SMARCA2: variants seen among roughly 807,000 people sequenced by gnomAD.
SMARCA2 encodes SWI/SNF-related matrix-associated actin-dependent regulator of chromatin subfamily A member 2.
A neutral mutation model predicts 199.8 loss-of-function variants in SMARCA2; 61 were observed. The ratio of observed to expected loss-of-function variants is 0.31; its 90% CI spans 0.25 to 0.38. The LOEUF (loss-of-function observed/expected upper bound fraction) is 0.38. Among genes scored for constraint, SMARCA2 ranks in the 10% least tolerant of loss-of-function variants. The pLI, the probability that SMARCA2 is intolerant of heterozygous loss-of-function variation, is 1.00. For missense variants in SMARCA2, 1,344 were observed against 2,012.2 expected (o/e 0.67, Z 6.35); for synonymous variants, 935 against 732.0 (o/e 1.28, Z -4.48).
At chr9:2,093,230 C>T (rs1035318713) in intron 19 of SMARCA2, among the ~76,000 whole-genome samples, 2 of 152,144 alleles carry the variant, frequency 1.3e-5, no homozygotes, top group African/African-American at 4.8e-5. Context: ...TGGTTTAGGA[C>T]GGGGTACCCA....
chr9:2,083,322 G>GT, intron 15 of SMARCA2, 25 bp from the exon 16 acceptor site: 4 of 1,432,120 alleles, frequency 2.8e-6, no homozygotes, highest in East Asian at 2.3e-5. Flanking sequence ...TCTTTTTTCT[G>GT]TTGTTTTTTT....
chr9:2,175,662 T>C (rs909752556), intron 29 of SMARCA2, among the ~76,000 whole-genome samples: 2 of 152,196 alleles, frequency 1.3e-5, no homozygotes, highest in Non-Finnish European at 2.9e-5. Context: ...CCAATTAAAG[T>C]GTTTGTTGGG....
intron 12 of SMARCA2, among the ~76,000 whole-genome samples, chr9:2,074,402 G>C (rs1821228995): frequency 5.3e-5 from 8 of 152,140 alleles, no homozygotes; most frequent in Admixed American, 5.2e-4. Flanking sequence ...TAGGTGCCGA[G>C]GACAAGGTAA....
At chr9:2,126,804 A>T (rs1162049214) in intron 27 of SMARCA2, among the ~76,000 whole-genome samples, 1 of 152,208 alleles carries the variant, frequency 6.6e-6, no homozygotes, top group Non-Finnish European at 1.5e-5. Context: ...CTGTGCCAGG[A>T]GGCTGGCCAC....
intron 27 of SMARCA2, among the ~76,000 whole-genome samples, chr9:2,125,445 G>C (rs1823644624): frequency 6.6e-6 from 1 of 151,462 alleles, no homozygotes; most frequent in East Asian, 1.9e-4. Context: ...TTGAGTACCT[G>C]GAGTATTATT....
chr9:2,020,948 A>G (rs960650309), intron 1 of SMARCA2, among the ~76,000 whole-genome samples: 1 of 152,228 alleles, frequency 6.6e-6, no homozygotes, highest in Non-Finnish European at 1.5e-5. Flanking sequence ...TTTGTAATAC[A>G]TTATTATATA....
intron 27 of SMARCA2, among the ~76,000 whole-genome samples, chr9:2,127,861 A>G (rs1823764980): frequency 6.6e-6 from 1 of 152,188 alleles, no homozygotes; most frequent in Non-Finnish European, 1.5e-5. Flanking sequence ...AAATTCCTAC[A>G]GTGTCCTTTA....
chr9:2,122,326 A>T (rs937438698), intron 26 of SMARCA2, among the ~76,000 whole-genome samples: 6 of 150,588 alleles, frequency 4.0e-5, no homozygotes, highest in South Asian at 4.2e-4. Flanking sequence ...CATTAACAAA[A>T]TTTTTTTTTT....
rs919380380 is a variant in SMARCA2, at chr9:2,016,975, C to G, written c.-37+1571C>G. On this transcript the variant is annotated intron_variant, in intron 1 of 33. Coordinates refer to ENST00000349721, the MANE Select transcript of SMARCA2 (RefSeq NM_003070.5). The surrounding 1 kb of genome is among the most constrained non-coding windows in gnomAD (Gnocchi z 5.6). ...GGGCGCACACGGAGCACAGTGCTCC[C>G]GGTGCCCCGCACCAGGCCTCGCAGC... 6.6e-6 allele frequency: 1 copy of G among 151,910 alleles called. No individual in the cohort carries two copies. Among genetic ancestry groups the G allele is most frequent in the African/African-American group, 2.4e-5 (1 of 41,366 alleles). 9.4% of individuals were successfully genotyped at this position (151,910 alleles called of 1,614,324 possible).
At chr9:2,048,144 T>A (rs1199237655) in intron 5 of SMARCA2, among the ~76,000 whole-genome samples, 1 of 152,182 alleles carries the variant, frequency 6.6e-6, no homozygotes, top group African/African-American at 2.4e-5. Context: ...GCTGGCTGCC[T>A]TTCGGTAAAC....
chr9:2,035,040 A>ATTTG (rs1159320175), intron 3 of SMARCA2, among the ~76,000 whole-genome samples: 16 of 149,988 alleles, frequency 1.1e-4, no homozygotes, highest in Non-Finnish European at 1.9e-4. Context: ...TTATTTATTT[A>ATTTG]TTTATTTATT....
chr9:2,021,614 T>G (rs1818602989), intron 1 of SMARCA2, among the ~76,000 whole-genome samples: 1 of 152,238 alleles, frequency 6.6e-6, no homozygotes, highest in Admixed American at 6.5e-5. Flanking sequence ...ATGTAATAAA[T>G]GGCTTTGCAA....
chr9:2,053,696 G>T (rs1260699804), intron 5 of SMARCA2, among the ~76,000 whole-genome samples: 1 of 152,184 alleles, frequency 6.6e-6, no homozygotes, highest in African/African-American at 2.4e-5. Flanking sequence ...GTTTGCCTCA[G>T]ATTTAGGGGA....
chr9:2,144,778 C>G (rs1824643846), intron 27 of SMARCA2, among the ~76,000 whole-genome samples: 2 of 152,180 alleles, frequency 1.3e-5, no homozygotes, highest in South Asian at 4.1e-4. Flanking sequence ...CTCCAGAGGT[C>G]ATTAAGAGAC....
intron 32 of SMARCA2, among the ~76,000 whole-genome samples, chr9:2,190,372 A>G (rs1260798404): frequency 6.6e-6 from 1 of 152,248 alleles, no homozygotes; most frequent in Admixed American, 6.5e-5. Flanking sequence ...AGCCCTCATC[A>G]TATGAGACTG....
At chr9:2,064,956 G>C (rs185348177) in intron 9 of SMARCA2, among the ~76,000 whole-genome samples, 1 of 152,174 alleles carries the variant, frequency 6.6e-6, no homozygotes, top group Admixed American at 6.5e-5. Context: ...AGGCCGAGGC[G>C]GGCGGATCAC....
At chr9:2,072,946 G>C (rs913569615) in intron 10 of SMARCA2, among the ~76,000 whole-genome samples, 1 of 152,184 alleles carries the variant, frequency 6.6e-6, no homozygotes, top group South Asian at 2.1e-4. Flanking sequence ...TGCACTTCTA[G>C]CTCTTAACTC....
intron 29 of SMARCA2, among the ~76,000 whole-genome samples, chr9:2,173,167 T>C (rs1826349301): frequency 1.3e-5 from 2 of 152,178 alleles, no homozygotes; most frequent in South Asian, 4.2e-4. Flanking sequence ...GGAAAATTGG[T>C]GTGTGTGAAG....
chr9:2,141,154 A>G (rs1254738267), intron 27 of SMARCA2, among the ~76,000 whole-genome samples: 1 of 132,844 alleles, frequency 7.5e-6, no homozygotes, highest in Non-Finnish European at 1.6e-5. Flanking sequence ...TAGGATTTTC[A>G]GGACTTTTCC....
Sources: gnomAD v4.1 joint callset for allele counts (sites outside exome capture counted in the v4.1 genomes callset) on GRCh38, gnomAD v4.1.1 for gene constraint, Gnocchi (gnomAD v3.1) non-coding constraint, MANE v1.5 for transcripts, NCBI Gene and HGNC (gene_info 2026-07-23, HGNC 2026-07-21) for gene names.